ATL2: variants seen among roughly 807,000 people sequenced by gnomAD.
The protein encoded by ATL2 is atlastin GTPase 2.
Under a neutral mutation model 73.9 loss-of-function variants are expected in ATL2, and 31 were observed. The observed-to-expected ratio is 0.42, with a 90% CI of 0.32 to 0.57. ATL2 has a LOEUF of 0.57. Ranked by LOEUF, ATL2 falls within the 20% of genes least tolerant of loss-of-function variation. The pLI is 0.14. For missense variants in ATL2, 738 were observed against 702.6 expected (o/e 1.05, Z -0.57); for synonymous variants, 291 against 237.5 (o/e 1.23, Z -2.07).
Position 38,295,986 on chromosome 2 carries a change from A to G in ATL2, c.*8T>C. The G allele has an allele frequency of 1.3e-6, 2 of 1,535,936 alleles. No homozygotes were observed. Among genetic ancestry groups the G allele is most frequent in the Non-Finnish European group, 1.8e-6 (2 of 1,134,412 alleles). The stretch of plus-strand genomic sequence containing the variant: ...AAAAGAGAGTGGAGTCCGTGAGGAG[A>G]TGAACTGTCAGTCTGTCTTTAATCT... On this transcript the variant is annotated 3_prime_UTR_variant, in exon 13 of 13. Coordinates refer to ENST00000378954, the MANE Select transcript of ATL2 (RefSeq NM_001135673.4).
chr2:38,321,991 C>A (rs904059578), intron 2 of ATL2, among the ~76,000 whole-genome samples: 1 of 152,164 alleles, frequency 6.6e-6, no homozygotes, highest in African/African-American at 2.4e-5. Context: ...TAGATCTCAA[C>A]ACACATCTTC....
At chr2:38,296,762 A>T in intron 12 of ATL2, 1 of 1,549,594 alleles carries the variant, frequency 6.5e-7, no homozygotes, top group Non-Finnish European at 8.7e-7. Flanking sequence ...CACAGCACAG[A>T]TCTCTGACTA....
chr2:38,306,092 A>C (rs145183558), intron 9 of ATL2, among the ~76,000 whole-genome samples: 1 of 152,330 alleles, frequency 6.6e-6, no homozygotes, highest in Admixed American at 6.5e-5. Context: ...AATCCAAAGG[A>C]TCATTAGAGG....
At chr2:38,362,926 A>G (rs887859298) in intron 1 of ATL2, among the ~76,000 whole-genome samples, 1 of 152,234 alleles carries the variant, frequency 6.6e-6, no homozygotes, top group African/African-American at 2.4e-5. Flanking sequence ...AGACATGGAC[A>G]TCTGGAGGAA....
In ATL2 at chr2:38,294,663, A is replaced by G. The variant is rs1362855109; in HGVS notation, c.*1331T>C. On this transcript the variant is annotated 3_prime_UTR_variant, in exon 13 of 13. Transcript: ENST00000378954. Reference sequence around the variant, plus strand: ...ACCAAAAAAAAAAAAAGAGAGAGAAAGAAATTAACAATCCCCATCTACAAC... The same window carrying G: ...ACCAAAAAAAAAAAAAGAGAGAGAAGGAAATTAACAATCCCCATCTACAAC... Among the ~76,000 whole-genome samples, 1 of 150,722 alleles carries G rather than the reference A, an allele frequency of 6.6e-6. No homozygotes were observed. Among genetic ancestry groups the G allele is most frequent in the Non-Finnish European group, 1.5e-5 (1 of 67,960 alleles).
intron 1 of ATL2, chr2:38,376,558 G>C (rs946916202): frequency 3.0e-5 from 5 of 164,498 alleles, no homozygotes; most frequent in African/African-American, 1.2e-4. Context: ...CCCGGGGACA[G>C]AGCCCTGGCC....
intron 4 of ATL2, among the ~76,000 whole-genome samples, chr2:38,315,545 TA>T (rs1667986895): frequency 6.6e-6 from 1 of 152,108 alleles, no homozygotes; most frequent in South Asian, 2.1e-4. Flanking sequence ...GCAGTGGTGG[TA>T]AAATATGCAA....
Position 38,298,593 on chromosome 2 carries a change from C to T in ATL2, c.1201-18G>A, listed in dbSNP as rs373246244. 5 of 1,597,410 alleles carry T rather than the reference C, an allele frequency of 3.1e-6. No homozygotes were observed. Among genetic ancestry groups the T allele is most frequent in the Non-Finnish European group, 4.3e-6 (5 of 1,171,534 alleles). On this transcript the variant is annotated intron_variant, in intron 11 of 12. Transcript: ENST00000378954. ...CCACATACCTGGACAGACAGAATTA[C>T]AGTATTACATGCTAGAAATAATTAA...
intron 1 of ATL2, among the ~76,000 whole-genome samples, chr2:38,344,633 T>C (rs560444665): frequency 7.9e-5 from 12 of 152,158 alleles, no homozygotes; most frequent in Non-Finnish European, 1.8e-4. Context: ...AAAAAAATTA[T>C]TCATGTTATT....
In ATL2 at chr2:38,298,269, A is replaced by C; in HGVS notation, c.1507T>G (p.Leu503Val). The C allele has an allele frequency of 6.2e-7, 1 of 1,614,194 alleles. No homozygotes were observed. The highest frequency in any genetic ancestry group is 1.3e-5 in the African/African-American group (1 of 75,064). ...GCTAACCCCATGACAAGGTTACACA[A>C]GACAGCTATAGAGTTTAGGCCAATG... ...GFIGLNSIAV[L>V]CNLVMGLALI... Residue 503 changes from leucine to valine, a missense_variant, in exon 12 of 13, where the codon TTG (leucine) becomes GTG (valine). Transcript: ENST00000378954.
intron 1 of ATL2, among the ~76,000 whole-genome samples, chr2:38,356,336 A>G (rs1315432051): frequency 6.6e-6 from 1 of 151,856 alleles, no homozygotes; most frequent in Non-Finnish European, 1.5e-5. Flanking sequence ...TGGGACTACA[A>G]GCGTGAGCCA....
intron 2 of ATL2, among the ~76,000 whole-genome samples, chr2:38,321,903 G>C (rs545601053): frequency 3.9e-5 from 6 of 152,012 alleles, no homozygotes; most frequent in African/African-American, 1.2e-4. Context: ...TGTAGAGAGG[G>C]GGTTTCGCCA....
intron 2 of ATL2, among the ~76,000 whole-genome samples, chr2:38,333,589 C>A (rs1465156082): frequency 1.3e-5 from 2 of 151,992 alleles, no homozygotes; most frequent in Non-Finnish European, 2.9e-5. Flanking sequence ...CCTACTGGAA[C>A]AAAGAGTTTG....
In ATL2 at chr2:38,322,466, T is replaced by C. The variant is rs535674444; in HGVS notation, c.364-3447A>G. Among the ~76,000 whole-genome samples, 39 of 152,296 alleles carry C rather than the reference T, an allele frequency of 2.6e-4. No individual in the cohort carries two copies. In the South Asian group the frequency reaches 7.0e-3, roughly 27 times the overall value. Reference sequence around the variant, plus strand: ...GCTTCAATGTACTCCCTTTTGAGCATGGGTAATAAATCCAGAAGAAATATG... The same window carrying C: ...GCTTCAATGTACTCCCTTTTGAGCACGGGTAATAAATCCAGAAGAAATATG... On this transcript the variant is annotated intron_variant, in intron 2 of 12. Coordinates refer to ENST00000378954, the MANE Select transcript of ATL2 (RefSeq NM_001135673.4).
chr2:38,332,842 T>C (rs556951734), intron 2 of ATL2, among the ~76,000 whole-genome samples: 1 of 152,292 alleles, frequency 6.6e-6, no homozygotes, highest in African/African-American at 2.4e-5. Context: ...ATGGTATACA[T>C]TCTCCAATCT....
At chr2:38,376,042 C>A in intron 1 of ATL2, 1 of 1,373,910 alleles carries the variant, frequency 7.3e-7, no homozygotes. Flanking sequence ...CTTTACACAC[C>A]GTAAAAAAAG....
At chr2:38,359,897 G>A (rs2124464509) in intron 1 of ATL2, among the ~76,000 whole-genome samples, 1 of 152,220 alleles carries the variant, frequency 6.6e-6, no homozygotes, top group South Asian at 2.1e-4. Context: ...GGAGGCCGAG[G>A]CAGGTGGATC....
chr2:38,323,263 C>T (rs1337780659), intron 2 of ATL2, among the ~76,000 whole-genome samples: 3 of 151,614 alleles, frequency 2.0e-5, no homozygotes, highest in African/African-American at 7.3e-5. Context: ...TAATCCTATT[C>T]CACCAGACAT....
At chr2:38,358,630 T>G (rs1471644639) in intron 1 of ATL2, 1 of 233,102 alleles carries the variant, frequency 4.3e-6, no homozygotes, top group Non-Finnish European at 9.3e-6. Context: ...AGGCGGAGCT[T>G]GCAGTGAGCC....
Sources: gnomAD v4.1 joint callset for allele counts (sites outside exome capture counted in the v4.1 genomes callset) on GRCh38, gnomAD v4.1.1 for gene constraint, MANE v1.5 for transcripts, NCBI Gene and HGNC (gene_info 2026-07-23, HGNC 2026-07-21) for gene names.